The following ESCO1 variants were observed in gnomAD, a reference collection of about 807,000 sequenced individuals.
The protein encoded by ESCO1 is N-acetyltransferase ESCO1.
A neutral mutation model predicts 83.5 loss-of-function variants in ESCO1; 33 were observed. The ratio of observed to expected loss-of-function variants is 0.40; its 90% confidence interval spans 0.30 to 0.53. ESCO1 has a LOEUF of 0.53. ESCO1 is among the 20% of genes least tolerant of loss of function. The pLI is 0.63. For missense variants in ESCO1, 855 were observed against 968.0 expected, an observed-to-expected ratio of 0.88 and a Z score of 1.55; for synonymous variants, 332 against 324.3, an observed-to-expected ratio of 1.02 and a Z score of -0.25.
rs1449745051 is a variant in ESCO1 at position 21,529,388 on chromosome 18, A to G, written c.*955T>C. On this transcript the variant is annotated 3_prime_UTR_variant, in exon 12 of 12. Coordinates refer to ENST00000269214, the MANE Select transcript of ESCO1 (RefSeq NM_052911.3). Reference sequence around the variant, plus strand: ...AGGCCACAGCAGTTTTTCAACATATAAACCCTTTAAAAGTAGAGGGCACTA... The same window carrying G: ...AGGCCACAGCAGTTTTTCAACATATGAACCCTTTAAAAGTAGAGGGCACTA... The G allele has an allele frequency of 1.3e-5, 2 of 152,478 alleles. No individual in the cohort carries two copies. The highest frequency in any genetic ancestry group is 2.9e-5 in the Non-Finnish European group (2 of 68,044). 9.4% of individuals were successfully genotyped at this position (152,478 alleles called of 1,614,324 possible).
At chr18:21,539,898 T>C (rs779819630) in intron 9 of ESCO1, 22 bp downstream of exon 9, 3 of 1,592,672 alleles carry the variant, frequency 1.9e-6, no homozygotes, top group Middle Eastern at 1.7e-4. Context: ...CCACTCTACA[T>C]GAAGTTTCAC....
chr18:21,576,253 T>C (rs990598923), intron 2 of ESCO1, among the ~76,000 whole-genome samples: 4 of 152,154 alleles, frequency 2.6e-5, no homozygotes, highest in Non-Finnish European at 5.9e-5. Context: ...CTCACACCTG[T>C]AATTCTAGAA....
rs771243145 is a variant in ESCO1 at position 21,574,092 on chromosome 18, A to G, written c.752T>C (p.Met251Thr). The G allele has an allele frequency of 6.2e-6, 10 of 1,612,878 alleles. No homozygotes were observed. The highest frequency in any genetic ancestry group is 8.5e-6 in the Non-Finnish European group (10 of 1,179,982). Residue 251 changes from methionine (M) to threonine (T), a missense_variant, in exon 4 of 12, where the codon ATG becomes ACG. Coordinates refer to ENST00000269214, the MANE Select transcript of ESCO1 (RefSeq NM_052911.3). ...PVTSEVKRSKMATSVVPKKNE... is the reference protein window; with the variant it reads ...PVTSEVKRSKTATSVVPKKNE... ...CTTTTTCGGGACCACTGAAGTAGCC[A>G]TTTTTGATCTTTTCACCTCAGAAGT...
At chr18:21,573,112 T>C (rs754428634) in intron 4 of ESCO1, among the ~76,000 whole-genome samples, 5 of 152,082 alleles carry the variant, frequency 3.3e-5, no homozygotes, top group Admixed American at 6.6e-5. Flanking sequence ...GAGGAAACAA[T>C]GAGAAGCACC....
At chr18:21,586,857 T>G (rs1345546028) in intron 1 of ESCO1, among the ~76,000 whole-genome samples, 1 of 152,218 alleles carries the variant, frequency 6.6e-6, no homozygotes, top group East Asian at 1.9e-4. Context: ...GGGGGAAAGC[T>G]CTCAGTCTTG....
Position 21,592,326 on chromosome 18 carries a change from C to G in ESCO1, c.-824-7886G>C, listed in dbSNP as rs538143932. 4.0e-5 allele frequency among the ~76,000 whole-genome samples: 6 copies of G among 148,180 alleles called. 1 individual carries two copies. The South Asian group carries it at 1.1e-3, about 27-fold the overall frequency. On this transcript the variant is annotated intron_variant, in intron 1 of 11. Coordinates refer to ENST00000269214, the MANE Select transcript of ESCO1 (RefSeq NM_052911.3). ...CTCCTCACTTCCCAGTAGGGGCGGCCGGGCAGAGGCGCCCCTCACCTCCCG... is the reference window on the plus strand; with the variant it reads ...CTCCTCACTTCCCAGTAGGGGCGGCGGGGCAGAGGCGCCCCTCACCTCCCG...
intron 8 of ESCO1, among the ~76,000 whole-genome samples, chr18:21,546,153 GA>G (rs1248142332): frequency 6.6e-6 from 1 of 152,144 alleles, no homozygotes; most frequent in African/African-American, 2.4e-5. Flanking sequence ...TCAAAAATCA[GA>G]AAAACCTAAA....
intron 4 of ESCO1, among the ~76,000 whole-genome samples, chr18:21,571,694 T>C (rs571609400): frequency 9.2e-5 from 14 of 152,296 alleles, no homozygotes; most frequent in South Asian, 8.3e-4. Context: ...TTGACAGGCA[T>C]TTATGCAGCA....
intron 2 of ESCO1, among the ~76,000 whole-genome samples, chr18:21,582,028 C>T (rs902365580): frequency 6.6e-6 from 1 of 151,960 alleles, no homozygotes. Flanking sequence ...ATCAAGGCTT[C>T]AGTGAGCCGT....
At chr18:21,551,443 A>G (rs1475956806) in intron 8 of ESCO1, among the ~76,000 whole-genome samples, 1 of 152,214 alleles carries the variant, frequency 6.6e-6, no homozygotes, top group Admixed American at 6.5e-5. Context: ...AAAAAGAAAA[A>G]AAAAAGAAAC....
At chr18:21,552,415 G>A (rs2038057342) in intron 8 of ESCO1, among the ~76,000 whole-genome samples, 1 of 152,146 alleles carries the variant, frequency 6.6e-6, no homozygotes, top group South Asian at 2.1e-4. Flanking sequence ...CACAAAATCT[G>A]ATGGTTTTAT....
intron 4 of ESCO1, among the ~76,000 whole-genome samples, chr18:21,568,330 T>G (rs2038290986): frequency 1.3e-5 from 2 of 152,246 alleles, no homozygotes; most frequent in South Asian, 4.1e-4. Flanking sequence ...GCCTGTTGTC[T>G]CAGCTACTCA....
At position 21,551,503 on chromosome 18, in the gene ESCO1, T is replaced by C. The variant is rs114029630; in HGVS notation, c.1953+9356A>G. Among the ~76,000 whole-genome samples the C allele has an allele frequency of 9.1e-3, 1,390 of 152,210 alleles. 22 individuals carry two copies. Among genetic ancestry groups the C allele is most frequent in the African/African-American group, 0.031 (1,308 of 41,528 alleles). ...CAGAGATGAACCAGCCCTTCCTAAG[T>C]GAGCAGACACAAGTAGCCATTTTTA... On this transcript the variant is annotated intron_variant, in intron 8 of 11. Transcript: ENST00000269214.
At chr18:21,586,892 T>C (rs1017294295) in intron 1 of ESCO1, among the ~76,000 whole-genome samples, 20 of 152,204 alleles carry the variant, frequency 1.3e-4, no homozygotes, top group African/African-American at 4.8e-4. Flanking sequence ...TGATGTTAGA[T>C]GTGGATTTTT....
intron 8 of ESCO1, 113 bp from the exon 9 acceptor site, chr18:21,540,122 C>A: frequency 1.0e-6 from 1 of 987,606 alleles, no homozygotes; most frequent in South Asian, 1.9e-5. Context: ...CTAAAAATTG[C>A]AAACATGAAA....
intron 4 of ESCO1, among the ~76,000 whole-genome samples, chr18:21,571,675 T>C (rs537444305): frequency 6.6e-6 from 1 of 152,344 alleles, no homozygotes; most frequent in East Asian, 1.9e-4. Flanking sequence ...ATAAACTGCC[T>C]TCTGAGTTTT....
chr18:21,534,651 T>TG (rs1327135331), intron 10 of ESCO1, among the ~76,000 whole-genome samples: 5 of 148,410 alleles, frequency 3.4e-5, no homozygotes, highest in Admixed American at 3.4e-4. Context: ...TTTTTTGAGA[T>TG]GGAGTCTTGC....
At chr18:21,581,950 G>A (rs988125342) in intron 2 of ESCO1, among the ~76,000 whole-genome samples, 7 of 151,838 alleles carry the variant, frequency 4.6e-5, no homozygotes, top group African/African-American at 7.3e-5. Flanking sequence ...AATCAGCCAG[G>A]TGTGGTGCAT....
intron 4 of ESCO1, among the ~76,000 whole-genome samples, chr18:21,571,064 G>A (rs2038334851): frequency 6.6e-6 from 1 of 151,682 alleles, no homozygotes; most frequent in South Asian, 2.1e-4. Context: ...TTTTTTAAAT[G>A]TTAACTTTTG....
Sources: allele counts gnomAD v4.1 joint callset (sites outside exome capture counted in the v4.1 genomes callset), GRCh38; gene constraint gnomAD v4.1.1; transcripts MANE v1.5; gene names NCBI Gene and HGNC (gene_info 2026-07-23, HGNC 2026-07-21).